CHST11: variants seen among roughly 807,000 people sequenced by gnomAD.
CHST11 encodes carbohydrate sulfotransferase 11.
A neutral mutation model predicts 30.4 loss-of-function variants in CHST11; 9 were observed. That is an observed-to-expected ratio of 0.30 (90% CI 0.18 to 0.52). CHST11 has a LOEUF of 0.52. CHST11 is among the 20% of genes least tolerant of loss of function. The pLI, the probability that CHST11 is intolerant of heterozygous loss-of-function variation, is 0.97. For synonymous variants in CHST11, 152 were observed against 187.8 expected (o/e 0.81, Z 1.56); for missense variants, 348 against 460.6 (o/e 0.76, Z 2.24).
chr12:104,494,160 G>A (rs1052189946), intron 1 of CHST11, among the ~76,000 whole-genome samples: 2 of 152,174 alleles, frequency 1.3e-5, no homozygotes, highest in African/African-American at 4.8e-5. Context: ...CAGTCACGAG[G>A]ACTTGGGACT....
At chr12:104,687,454 G>A (rs570033648) in intron 2 of CHST11, among the ~76,000 whole-genome samples, 3 of 152,314 alleles carry the variant, frequency 2.0e-5, no homozygotes, top group South Asian at 4.1e-4. Context: ...TCATCTCACC[G>A]TCCAACCACT....
rs375146184 is a variant in CHST11, at chr12:104,761,570, G to A, written c.*3767G>A. 6.4e-4 allele frequency: 97 copies of A among 152,352 alleles called. No individual in the cohort carries two copies. The East Asian group carries it at 0.015, about 24-fold the overall frequency. The allele number at this position is 152,352 out of a possible 1,614,324, so 9.4% of individuals were successfully genotyped here. On this transcript the variant is annotated 3_prime_UTR_variant, in exon 3 of 3. Transcript: ENST00000303694. ...TTCCTTGCCCACCTCTATGTCAGCAGGACTGACCACATCACTCCCCCGAGT... is the reference window on the plus strand; with the variant it reads ...TTCCTTGCCCACCTCTATGTCAGCAAGACTGACCACATCACTCCCCCGAGT...
chr12:104,634,033 C>T (rs1332585187), intron 2 of CHST11, among the ~76,000 whole-genome samples: 2 of 152,184 alleles, frequency 1.3e-5, no homozygotes, highest in Non-Finnish European at 2.9e-5. Flanking sequence ...AATATTTTTT[C>T]AGTACTTACT....
At chr12:104,587,501 T>C (rs189546272) in intron 1 of CHST11, among the ~76,000 whole-genome samples, 15 of 152,250 alleles carry the variant, frequency 9.9e-5, no homozygotes, top group Middle Eastern at 3.4e-3. Context: ...GGGCTCAAGC[T>C]GTCCTCCCAC....
intron 2 of CHST11, among the ~76,000 whole-genome samples, chr12:104,718,875 A>G (rs2040152526): frequency 1.3e-5 from 2 of 152,348 alleles, no homozygotes; most frequent in South Asian, 4.1e-4. Context: ...TAAATTAAAC[A>G]AGACAAGGGA....
At chr12:104,538,358 CA>C (rs1455328180) in intron 1 of CHST11, among the ~76,000 whole-genome samples, 1 of 152,198 alleles carries the variant, frequency 6.6e-6, no homozygotes, top group Admixed American at 6.5e-5. Context: ...GTTCTCATCT[CA>C]TCCTATCAAG....
chr12:104,722,480 TA>T (rs2040185427), intron 2 of CHST11, among the ~76,000 whole-genome samples: 1 of 152,116 alleles, frequency 6.6e-6, no homozygotes, highest in African/African-American at 2.4e-5. Flanking sequence ...TTAGATGAGG[TA>T]GATTGGTTTT....
chr12:104,549,665 G>A (rs986099079), intron 1 of CHST11, among the ~76,000 whole-genome samples: 1 of 152,178 alleles, frequency 6.6e-6, no homozygotes, highest in African/African-American at 2.4e-5. Context: ...AAGCTGGTTG[G>A]AAGGCCGAGG....
chr12:104,742,503 C>G (rs1184678024), intron 2 of CHST11, among the ~76,000 whole-genome samples: 3 of 152,204 alleles, frequency 2.0e-5, no homozygotes, highest in Non-Finnish European at 4.4e-5. Context: ...CCTGCCCTTA[C>G]TTCTGATTTC....
rs146794427 is a variant in CHST11 at position 104,731,620 on chromosome 12, G to A, written c.205-25329G>A. On this transcript the variant is annotated intron_variant, in intron 2 of 2. Transcript: ENST00000303694. ...GTAAACCCCCGCACCCCTGAGACTCGGGACCACGGACTCAGCCTCTGCGGG... is the reference window on the plus strand; with the variant it reads ...GTAAACCCCCGCACCCCTGAGACTCAGGACCACGGACTCAGCCTCTGCGGG... Among the ~76,000 whole-genome samples, 797 of 152,266 alleles carry A rather than the reference G, an allele frequency of 5.2e-3. 7 individuals are homozygous for A. The highest frequency in any genetic ancestry group is 0.018 in the African/African-American group (738 of 41,540).
chr12:104,501,387 A>C (rs1047153219), intron 1 of CHST11, among the ~76,000 whole-genome samples: 1 of 152,158 alleles, frequency 6.6e-6, no homozygotes. Flanking sequence ...GAAAGCAAAC[A>C]CCTTAATTTT....
chr12:104,621,873 G>T (rs1406585298), intron 2 of CHST11, among the ~76,000 whole-genome samples: 1 of 152,178 alleles, frequency 6.6e-6, no homozygotes, highest in Admixed American at 6.5e-5. Context: ...CCAAGACCAG[G>T]GTCCAAAGGA....
intron 2 of CHST11, among the ~76,000 whole-genome samples, chr12:104,663,834 G>T (rs1434873662): frequency 6.6e-6 from 1 of 152,102 alleles, no homozygotes; most frequent in Non-Finnish European, 1.5e-5. Context: ...GGGTGACTTT[G>T]TTATTCTTGT....
Position 104,583,165 on chromosome 12 carries a change from C to G in CHST11, c.119-18741C>G, listed in dbSNP as rs114416071. Among the ~76,000 whole-genome samples, 422 of 152,212 alleles carry G rather than the reference C, an allele frequency of 2.8e-3. 1 individual carries two copies. Among genetic ancestry groups the G allele is most frequent in the African/African-American group, 9.5e-3 (395 of 41,544 alleles). Reference sequence around the variant, plus strand: ...ATCTTGTACATGGTTTTCTTACTTTCTGGATAAAGATGGGACCTTGTCTCT... The same window carrying G: ...ATCTTGTACATGGTTTTCTTACTTTGTGGATAAAGATGGGACCTTGTCTCT... On this transcript the variant is annotated intron_variant, in intron 1 of 2. Transcript: ENST00000303694.
At chr12:104,491,777 A>G (rs1206897884) in intron 1 of CHST11, among the ~76,000 whole-genome samples, 1 of 152,162 alleles carries the variant, frequency 6.6e-6, no homozygotes, top group Non-Finnish European at 1.5e-5. Context: ...ATACTCGGCC[A>G]GTACCCTTCT....
chr12:104,560,940 C>G (rs1359588675), intron 1 of CHST11, among the ~76,000 whole-genome samples: 1 of 152,200 alleles, frequency 6.6e-6, no homozygotes. Context: ...GGGACAGAGT[C>G]TGCAACAGAA....
intron 2 of CHST11, among the ~76,000 whole-genome samples, chr12:104,680,949 T>C (rs1452234678): frequency 1.3e-5 from 2 of 152,228 alleles, no homozygotes; most frequent in African/African-American, 2.4e-5. Context: ...TGGACAAGTC[T>C]CTTAAAGTCT....
At chr12:104,508,495 C>A (rs1192729120) in intron 1 of CHST11, among the ~76,000 whole-genome samples, 1 of 152,190 alleles carries the variant, frequency 6.6e-6, no homozygotes, top group African/African-American at 2.4e-5. Flanking sequence ...TTCCCTGTTG[C>A]TGTTGAAGCA....
intron 2 of CHST11, among the ~76,000 whole-genome samples, chr12:104,694,094 G>A (rs1480304079): frequency 6.6e-6 from 1 of 152,142 alleles, no homozygotes; most frequent in Non-Finnish European, 1.5e-5. Context: ...TTATCTCAAA[G>A]TTTGTGGTCT....
Sources: gnomAD v4.1 joint callset for allele counts (sites outside exome capture counted in the v4.1 genomes callset) on GRCh38, gnomAD v4.1.1 for gene constraint, MANE v1.5 for transcripts, NCBI Gene and HGNC (gene_info 2026-07-23, HGNC 2026-07-21) for gene names.